POT1: variants seen among roughly 807,000 people sequenced by gnomAD.
POT1 encodes the protein protection of telomeres protein 1.
A neutral mutation model predicts 78.5 loss-of-function variants in POT1; 47 were observed. The observed-to-expected ratio is 0.60, with a 90% CI of 0.47 to 0.76. The LOEUF (loss-of-function observed/expected upper bound fraction) is 0.76. Among genes scored for constraint, POT1 ranks in the 30% least tolerant of loss-of-function variants. The pLI is 0.00. For synonymous variants in POT1, 259 were observed against 260.7 expected, an observed-to-expected ratio of 0.99 and a Z score of 0.06; for missense variants, 646 against 749.9, an observed-to-expected ratio of 0.86 and a Z score of 1.62.
chr7:124,903,574 A>G (rs1035917119), intron 3 of POT1, among the ~76,000 whole-genome samples: 1 of 152,224 alleles, frequency 6.6e-6, no homozygotes, highest in Non-Finnish European at 1.5e-5. Context: ...AGAAAGCAAG[A>G]AAGATCTAAA....
intron 11 of POT1, among the ~76,000 whole-genome samples, chr7:124,847,619 G>T (rs1198655989): frequency 6.6e-6 from 1 of 152,142 alleles, no homozygotes; most frequent in African/African-American, 2.4e-5. Context: ...TAACAAAGTT[G>T]GAGAACCATG....
At chr7:124,893,587 G>A (rs1213087094) in intron 5 of POT1, among the ~76,000 whole-genome samples, 1 of 151,502 alleles carries the variant, frequency 6.6e-6, no homozygotes, top group Non-Finnish European at 1.5e-5. Flanking sequence ...TCTGAAATCA[G>A]TTGAAACCAA....
chr7:124,842,657 T>A lies in POT1; in HGVS notation c.1163+150A>T, dbSNP rs1051248609. ...TCAGAATAATTTATTCTCTAAGAATTTAGCACTTTACCTAAAAAATTTACC... is the reference window on the plus strand; with the variant it reads ...TCAGAATAATTTATTCTCTAAGAATATAGCACTTTACCTAAAAAATTTACC... On this transcript the variant is annotated intron_variant, in intron 13 of 18. Coordinates refer to ENST00000357628, the MANE Select transcript of POT1 (RefSeq NM_015450.3). The A allele has an allele frequency of 6.0e-6, 3 of 499,766 alleles. No homozygotes were observed. The African/African-American group carries it at 6.0e-5, about 10-fold the overall frequency. 31.0% of individuals were successfully genotyped at this position (499,766 alleles called of 1,614,324 possible). A position where few individuals can be genotyped will look rare whatever the true frequency, so the allele number is the denominator to read the frequency against.
rs1487080650 is a variant in POT1, at chr7:124,840,961, T to G, written c.1369+12A>C. 6.3e-7 allele frequency: 1 copy of G among 1,574,804 alleles called. No individual in the cohort carries two copies. Among genetic ancestry groups the G allele is most frequent in the African/African-American group, 1.4e-5 (1 of 73,972 alleles). On this transcript the variant is annotated intron_variant, in intron 14 of 18. Coordinates refer to ENST00000357628, the MANE Select transcript of POT1 (RefSeq NM_015450.3). ...GGAGTATTCTAACAAAACAGTGACT[T>G]AAATATCTTACCTTCTATCAAAAGT... is the stretch of plus-strand genomic sequence containing the variant.
At chr7:124,831,999 T>TAAA (rs752861454) in intron 15 of POT1, among the ~76,000 whole-genome samples, 8 of 75,642 alleles carry the variant, frequency 1.1e-4, no homozygotes, top group African/African-American at 2.1e-4. Context: ...TTCTTAAAAA[T>TAAA]AAAAAAAAAA....
chr7:124,822,946 A>G lies in POT1; in HGVS notation c.*1016T>C, dbSNP rs751826705. On this transcript the variant is annotated 3_prime_UTR_variant, in exon 19 of 19. Transcript: ENST00000357628. ...GTTTAAGTCAAAGACTCGTTGCAGA[A>G]AACTGTTAGCTTCTGTTCCAGAATC... is the stretch of plus-strand genomic sequence containing the variant. The G allele has an allele frequency of 1.2e-5, 2 of 168,368 alleles. No individual in the cohort carries two copies. The highest frequency in any genetic ancestry group is 2.6e-5 in the Non-Finnish European group (2 of 76,166). 10.4% of individuals were successfully genotyped at this position (168,368 alleles called of 1,614,324 possible).
intron 6 of POT1, among the ~76,000 whole-genome samples, chr7:124,878,564 A>C (rs1206518807): frequency 1.4e-4 from 21 of 152,206 alleles, no homozygotes; most frequent in Non-Finnish European, 1.0e-4. Flanking sequence ...GTATACACGT[A>C]TCTAAACATC....
chr7:124,871,510 C>T (rs940156489), intron 6 of POT1, among the ~76,000 whole-genome samples: 137 of 151,954 alleles, frequency 9.0e-4, no homozygotes, highest in African/African-American at 2.9e-4. Flanking sequence ...GTAAATATGT[C>T]GTACAAATGA....
At chr7:124,879,660 T>C (rs1796073140) in intron 6 of POT1, among the ~76,000 whole-genome samples, 1 of 152,116 alleles carries the variant, frequency 6.6e-6, no homozygotes, top group African/African-American at 2.4e-5. Flanking sequence ...CAATAGGATA[T>C]TTTTCTGTTG....
chr7:124,822,659 T>C lies in POT1; in HGVS notation c.*1303A>G, dbSNP rs1194676667. 2.1e-5 allele frequency: 8 copies of C among 379,342 alleles called. No individual in the cohort carries two copies. The highest frequency in any genetic ancestry group is 1.7e-5 in the Non-Finnish European group (3 of 178,582). The allele number at this position is 379,342 out of a possible 1,614,324, so 23.5% of individuals were successfully genotyped here. ...TTTTAAAATATTTTTCCTGAAAATG[T>C]TTTGAACCAAGAGTCTATATTCTTG... On this transcript the variant is annotated 3_prime_UTR_variant, in exon 19 of 19. Coordinates refer to ENST00000357628, the MANE Select transcript of POT1 (RefSeq NM_015450.3).
intron 6 of POT1, among the ~76,000 whole-genome samples, chr7:124,886,489 TAG>T (rs914740140): frequency 9.2e-5 from 14 of 152,138 alleles, no homozygotes; most frequent in African/African-American, 2.7e-4. Flanking sequence ...CTGAAGTTAC[TAG>T]AGAGAGTTTT....
At chr7:124,849,522 T>TA (rs1795253412) in intron 11 of POT1, among the ~76,000 whole-genome samples, 1 of 152,296 alleles carries the variant, frequency 6.6e-6, no homozygotes, top group South Asian at 2.1e-4. Flanking sequence ...TATATTCTCC[T>TA]ACACTGCTAT....
intron 9 of POT1, among the ~76,000 whole-genome samples, chr7:124,856,935 G>A (rs915382580): frequency 5.9e-5 from 9 of 152,254 alleles, no homozygotes; most frequent in Non-Finnish European, 1.5e-5. Flanking sequence ...ACAGATGTAT[G>A]TGCATACATA....
In POT1 at chr7:124,869,535, G is replaced by A. The variant is rs373649159; in HGVS notation, c.255+1376C>T. On this transcript the variant is annotated intron_variant, in intron 7 of 18. Coordinates refer to ENST00000357628, the MANE Select transcript of POT1 (RefSeq NM_015450.3). ...TGTGAAAAGTAAGCAATTTTTTGACGTTTAAATAAGTATGTATTACATTTC... is the reference window on the plus strand; with the variant it reads ...TGTGAAAAGTAAGCAATTTTTTGACATTTAAATAAGTATGTATTACATTTC... 2.8e-4 allele frequency among the ~76,000 whole-genome samples: 42 copies of A among 151,942 alleles called. 1 individual carries two copies. Among genetic ancestry groups the A allele is most frequent in the African/African-American group, 9.4e-4 (39 of 41,436 alleles).
At chr7:124,907,470 T>G (rs1203250376) in intron 3 of POT1, among the ~76,000 whole-genome samples, 4 of 149,066 alleles carry the variant, frequency 2.7e-5, no homozygotes, top group Admixed American at 2.7e-4. Context: ...TACTGTATGA[T>G]TCTACCTAAA....
intron 11 of POT1, among the ~76,000 whole-genome samples, chr7:124,850,055 T>G (rs1474638681): frequency 6.7e-6 from 1 of 149,102 alleles, no homozygotes; most frequent in African/African-American, 2.5e-5. Context: ...TTAAAAATAA[T>G]GAATCATTTT....
chr7:124,887,281 C>T (rs991904230), intron 6 of POT1, among the ~76,000 whole-genome samples: 3 of 152,066 alleles, frequency 2.0e-5, no homozygotes, highest in African/African-American at 7.2e-5. Context: ...TAATGTTCCC[C>T]TTTCCTCTAC....
chr7:124,833,625 T>C (rs1794823183), intron 15 of POT1, among the ~76,000 whole-genome samples: 1 of 152,166 alleles, frequency 6.6e-6, no homozygotes, highest in South Asian at 2.1e-4. Flanking sequence ...GCTCAGAAAT[T>C]CTGAAATTGA....
At chr7:124,838,472 G>A (rs1794946897) in intron 14 of POT1, among the ~76,000 whole-genome samples, 1 of 152,004 alleles carries the variant, frequency 6.6e-6, no homozygotes, top group African/African-American at 2.4e-5. Flanking sequence ...GGATTTATAA[G>A]GTTTATCTGA....
Sources: gnomAD v4.1 joint callset for allele counts (sites outside exome capture counted in the v4.1 genomes callset) on GRCh38, gnomAD v4.1.1 for gene constraint, MANE v1.5 for transcripts, NCBI Gene and HGNC (gene_info 2026-07-23, HGNC 2026-07-21) for gene names.